CADM2: variants seen among roughly 807,000 people sequenced by gnomAD.
The protein encoded by CADM2 is immunoglobulin superfamily member 4D.
A neutral mutation model predicts 49.8 loss-of-function variants in CADM2; 12 were observed. The ratio of observed to expected loss-of-function variants is 0.24; its 90% confidence interval spans 0.15 to 0.39. The LOEUF is 0.39. Ranked by LOEUF, CADM2 falls within the 10% of genes least tolerant of loss-of-function variation. The pLI is 1.00. For missense variants in CADM2, 378 were observed against 492.3 expected, an observed-to-expected ratio of 0.77 and a Z score of 2.20; for synonymous variants, 214 against 175.4, an observed-to-expected ratio of 1.22 and a Z score of -1.74.
intron 1 of CADM2, among the ~76,000 whole-genome samples, chr3:85,513,261 T>C (rs143843364): frequency 1.6e-4 from 25 of 152,002 alleles, no homozygotes; most frequent in African/African-American, 5.8e-4. Context: ...AAATTGGTAG[T>C]TAAGGAATCT....
intron 1 of CADM2, among the ~76,000 whole-genome samples, chr3:85,074,431 T>A (rs2036866903): frequency 6.6e-6 from 1 of 152,150 alleles, no homozygotes; most frequent in South Asian, 2.1e-4. Flanking sequence ...CTTGCCAATA[T>A]AATAAATGAT....
chr3:85,146,244 CT>C (rs2039736505), intron 1 of CADM2, among the ~76,000 whole-genome samples: 1 of 152,044 alleles, frequency 6.6e-6, no homozygotes, highest in South Asian at 2.1e-4. Flanking sequence ...TCTTGATGGC[CT>C]TTTATAATAT....
chr3:85,140,877 A>G (rs1157011906), intron 1 of CADM2, among the ~76,000 whole-genome samples: 2 of 152,144 alleles, frequency 1.3e-5, no homozygotes, highest in Non-Finnish European at 2.9e-5. Flanking sequence ...GACTTTGGTT[A>G]TCTAAATTAG....
rs563878928 is a variant in CADM2 at position 85,791,572 on chromosome 3, G to A, written c.89-10475G>A. ...AGAGAGAGAGAGAGAGAGAGAGAGAGAAAAGAAAGAGAGACAGAGAGAGAG... is the reference window on the plus strand; with the variant it reads ...AGAGAGAGAGAGAGAGAGAGAGAGAAAAAAGAAAGAGAGACAGAGAGAGAG... On this transcript the variant is annotated intron_variant, in intron 2 of 9. Coordinates refer to ENST00000383699, the MANE Select transcript of CADM2 (RefSeq NM_001167675.2). 2.3e-3 allele frequency among the ~76,000 whole-genome samples: 337 copies of A among 147,798 alleles called. 1 individual carries two copies. Among genetic ancestry groups the A allele is most frequent in the Non-Finnish European group, 3.7e-3 (250 of 66,912 alleles).
chr3:86,058,154 C>A (rs1346329228), intron 8 of CADM2, among the ~76,000 whole-genome samples: 1 of 152,160 alleles, frequency 6.6e-6, no homozygotes, highest in Non-Finnish European at 1.5e-5. Flanking sequence ...CTTTTTCCAT[C>A]TAATCTCATG....
rs13072001 is a variant in CADM2, at chr3:85,444,952, A to C, written c.62-281570A>C. The stretch of plus-strand genomic sequence containing the variant: ...TCTGAGTGAGTAGATGTAAATTTTT[A>C]GAACAGTGTCTAGAGCATGATAAAG... On this transcript the variant is annotated intron_variant, in intron 1 of 9. Transcript: ENST00000383699. Among the ~76,000 whole-genome samples the C allele has an allele frequency of 9.1e-3, 1,388 of 152,246 alleles. 12 individuals carry two copies. Among genetic ancestry groups the C allele is most frequent in the Non-Finnish European group, 0.014 (958 of 68,000 alleles).
intron 1 of CADM2, among the ~76,000 whole-genome samples, chr3:85,681,188 C>G (rs944923113): frequency 2.0e-5 from 3 of 152,032 alleles, no homozygotes; most frequent in African/African-American, 7.2e-5. Context: ...CCTGACTGGC[C>G]ACTATTAAAA....
intron 1 of CADM2, among the ~76,000 whole-genome samples, chr3:85,136,908 T>G (rs2039428926): frequency 1.3e-5 from 2 of 151,976 alleles, no homozygotes; most frequent in African/African-American, 4.8e-5. Flanking sequence ...TGTAGCAACT[T>G]GAAGATGTCA....
At position 85,282,268 on chromosome 3, in the gene CADM2, C is replaced by CTT. The variant is rs563039552; in HGVS notation, c.61+322612_61+322613dup. Among the ~76,000 whole-genome samples, 212 of 106,408 alleles carry CTT rather than the reference C, an allele frequency of 2.0e-3. 4 individuals are homozygous for CTT. The highest frequency in any genetic ancestry group is 6.3e-3 in the African/African-American group (139 of 22,080). The allele number at this position is 106,408 out of a possible 152,430, so 69.8% of individuals were successfully genotyped here. On this transcript the variant is annotated intron_variant, in intron 1 of 9. Transcript: ENST00000383699. ...TTTGGGGGCTTTTTTTTTTTTTTGC[C>CTT]TTTTTTTTTTTTTCGGACAGTCTCA...
chr3:85,710,426 T>C (rs982838975), intron 1 of CADM2, among the ~76,000 whole-genome samples: 5 of 152,148 alleles, frequency 3.3e-5, no homozygotes, highest in Non-Finnish European at 5.9e-5. Context: ...TCCCAGAACA[T>C]TATCATATCT....
intron 2 of CADM2, among the ~76,000 whole-genome samples, chr3:85,785,614 A>C (rs566037271): frequency 6.6e-6 from 1 of 152,234 alleles, no homozygotes. Context: ...GTGATACAAC[A>C]GAATGTCACC....
intron 1 of CADM2, among the ~76,000 whole-genome samples, chr3:85,351,683 G>T (rs1408662972): frequency 1.3e-5 from 2 of 152,218 alleles, no homozygotes; most frequent in Non-Finnish European, 2.9e-5. Flanking sequence ...AAGTGTTTCT[G>T]GTCCTGAAAA....
intron 1 of CADM2, among the ~76,000 whole-genome samples, chr3:85,477,273 T>C (rs9876406): frequency 0.85 from 126,861 of 148,752 alleles, 53,853 homozygotes; most frequent in East Asian, 0.94. Flanking sequence ...CACACACACA[T>C]ACAGACACGT....
chr3:85,051,433 G>A (rs532513320), intron 1 of CADM2, among the ~76,000 whole-genome samples: 54 of 152,172 alleles, frequency 3.5e-4, no homozygotes, highest in African/African-American at 8.4e-4. Flanking sequence ...AGGTTGAAAC[G>A]ATCACTGGAG....
At chr3:85,271,264 C>G (rs1005211767) in intron 1 of CADM2, among the ~76,000 whole-genome samples, 1 of 151,046 alleles carries the variant, frequency 6.6e-6, no homozygotes, top group Admixed American at 6.6e-5. Flanking sequence ...TATGTTTGCT[C>G]TTATATTATT....
At chr3:85,568,473 C>CTTTCTCTCTTTCTTTCTTTCTTTCTT (rs1553743643) in intron 1 of CADM2, among the ~76,000 whole-genome samples, 1 of 27,612 alleles carries the variant, frequency 3.6e-5, no homozygotes, top group Admixed American at 3.8e-4. Flanking sequence ...CTCTTTCTCT[C>CTTTCTCTCTTTCTTTCTTTCTTTCTT]TCTTTCTTTC....
chr3:85,121,335 C>G (rs2107591641), intron 1 of CADM2, among the ~76,000 whole-genome samples: 1 of 152,246 alleles, frequency 6.6e-6, no homozygotes, highest in Admixed American at 6.5e-5. Flanking sequence ...TATTTACTTG[C>G]TGTCTGTGGG....
intron 1 of CADM2, among the ~76,000 whole-genome samples, chr3:85,144,220 C>T (rs2039661071): frequency 6.8e-6 from 1 of 148,050 alleles, no homozygotes; most frequent in South Asian, 2.2e-4. Flanking sequence ...AAACTTATCA[C>T]CATCTAAAGT....
intron 1 of CADM2, among the ~76,000 whole-genome samples, chr3:85,160,210 T>A (rs2040275214): frequency 6.6e-5 from 10 of 152,170 alleles, no homozygotes. Context: ...TTATTATATC[T>A]GTTGTCAAAT....
Sources: allele counts gnomAD v4.1 joint callset (sites outside exome capture counted in the v4.1 genomes callset), GRCh38; gene constraint gnomAD v4.1.1; transcripts MANE v1.5; gene names NCBI Gene and HGNC (gene_info 2026-07-23, HGNC 2026-07-21).